LMO7: variants seen among roughly 807,000 people sequenced by gnomAD.
The protein encoded by LMO7 is LIM domain only protein 7.
Under a neutral mutation model 206.5 loss-of-function variants are expected in LMO7, and 120 were observed. The ratio of observed to expected loss-of-function variants is 0.58; its 90% CI spans 0.50 to 0.68. LMO7 has a LOEUF of 0.68. LMO7 is among the 30% of genes least tolerant of loss of function. The probability of loss-of-function intolerance (pLI) is 0.00; values close to 1 mark genes in which losing one functional copy is unlikely to be tolerated. For synonymous variants in LMO7, 706 were observed against 681.5 expected (o/e 1.04, Z -0.56); for missense variants, 1,959 against 1,957.9 (o/e 1.00, Z -0.01).
intron 4 of LMO7, among the ~76,000 whole-genome samples, chr13:75,762,301 G>T (rs1194615927): frequency 6.6e-6 from 1 of 151,936 alleles, no homozygotes; most frequent in Non-Finnish European, 1.5e-5. Context: ...AGTATGTAGG[G>T]GTCATGTTTA....
At chr13:75,765,705 G>A (rs908055160) in intron 4 of LMO7, among the ~76,000 whole-genome samples, 6 of 152,086 alleles carry the variant, frequency 3.9e-5, no homozygotes, top group Non-Finnish European at 8.8e-5. Context: ...CTAGCTGCAG[G>A]GAACGGTTGT....
At chr13:75,836,305 G>A (rs2059120550) in intron 18 of LMO7, 92 bp from the exon 19 acceptor site, 1 of 693,410 alleles carries the variant, frequency 1.4e-6, no homozygotes, top group Non-Finnish European at 2.5e-6. Flanking sequence ...AACTCATCTT[G>A]TTAAAATATA....
At chr13:75,792,681 G>A (rs186685887) in intron 4 of LMO7, among the ~76,000 whole-genome samples, 75 of 152,276 alleles carry the variant, frequency 4.9e-4, no homozygotes, top group Non-Finnish European at 8.5e-4. Flanking sequence ...CTTGGTTACC[G>A]ACTTCCATGC....
At chr13:75,838,302 G>A in intron 20 of LMO7, 106 bp downstream of exon 20, 1 of 1,550,776 alleles carries the variant, frequency 6.4e-7, no homozygotes, top group Non-Finnish European at 8.8e-7. Flanking sequence ...CAATTTGTCT[G>A]TCATTATGAC....
chr13:75,646,820 G>C (rs1055314871), intron 1 of LMO7, among the ~76,000 whole-genome samples: 2 of 152,046 alleles, frequency 1.3e-5, no homozygotes, highest in Non-Finnish European at 2.9e-5. Flanking sequence ...CTCGACCTCA[G>C]GTGATATGTG....
At position 75,833,151 on chromosome 13, in the gene LMO7, C is replaced by G. The variant is rs200991869; in HGVS notation, c.3050C>G (p.Ala1017Gly). The change falls in exon 16 of 31, where the codon GCA becomes GGA. Residue 1017 changes from alanine to glycine, a missense_variant. Coordinates refer to ENST00000377534, the MANE Select transcript of LMO7 (RefSeq NM_001306080.2). Reference sequence around the variant, plus strand: ...TGGGATATTCCTGGGATCTTCGTAGCATCAGTTGAAGCAGGTAAATTATGT... The same window carrying G: ...TGGGATATTCCTGGGATCTTCGTAGGATCAGTTGAAGCAGGTAAATTATGT... ...IKWDIPGIFV[A>G]SVEAGSPAEF... 3.4e-5 allele frequency: 53 copies of G among 1,581,754 alleles called. No individual in the cohort carries two copies. Among genetic ancestry groups the G allele is most frequent in the Non-Finnish European group, 4.2e-5 (48 of 1,150,808 alleles).
At chr13:75,785,647 T>C (rs1352382752) in intron 4 of LMO7, among the ~76,000 whole-genome samples, 1 of 152,152 alleles carries the variant, frequency 6.6e-6, no homozygotes, top group African/African-American at 2.4e-5. Context: ...ATAATTTCAA[T>C]TTGCTAGTAT....
At chr13:75,854,089 T>C (rs567213870) in intron 28 of LMO7, among the ~76,000 whole-genome samples, 1 of 152,164 alleles carries the variant, frequency 6.6e-6, no homozygotes, top group African/African-American at 2.4e-5. Flanking sequence ...CCTGCTTGGG[T>C]TTTTAGGTCT....
chr13:75,731,227 G>A (rs1327303815), intron 3 of LMO7, among the ~76,000 whole-genome samples: 1 of 152,028 alleles, frequency 6.6e-6, no homozygotes, highest in South Asian at 2.1e-4. Context: ...TTGACAGTGG[G>A]GTGTTAAAGT....
At chr13:75,724,694 AC>A (rs1297689093) in intron 2 of LMO7, among the ~76,000 whole-genome samples, 2 of 152,146 alleles carry the variant, frequency 1.3e-5, no homozygotes, top group African/African-American at 4.8e-5. Flanking sequence ...CCTTAGAAGA[AC>A]TATTCTAAAA....
In LMO7 at chr13:75,647,951, C is replaced by CTTTTTTTTTTTTTTTTTT. The variant is rs570513211; in HGVS notation, c.69+11226_69+11243dup. On this transcript the variant is annotated intron_variant, in intron 1 of 30. Coordinates refer to ENST00000377534, the MANE Select transcript of LMO7 (RefSeq NM_001306080.2). Reference sequence around the variant, plus strand: ...GATTTTCTCTTGTTTTCTTTTCTTTCTTTTTTTTTTTTTTTTTTGAGACAG... The same window carrying CTTTTTTTTTTTTTTTTTT: ...GATTTTCTCTTGTTTTCTTTTCTTTCTTTTTTTTTTTTTTTTTTTTTTTTTTTTTTTTTTTTGAGACAG... 1.2e-3 allele frequency among the ~76,000 whole-genome samples: 106 copies of CTTTTTTTTTTTTTTTTTT among 91,124 alleles called. 2 individuals carry two copies. Among genetic ancestry groups the CTTTTTTTTTTTTTTTTTT allele is most frequent in the Admixed American group, 2.0e-3 (13 of 6,422 alleles). 59.8% of individuals were successfully genotyped at this position (91,124 alleles called of 152,430 possible).
At chr13:75,814,286 C>T (rs893323620) in intron 11 of LMO7, among the ~76,000 whole-genome samples, 7 of 152,230 alleles carry the variant, frequency 4.6e-5, no homozygotes, top group South Asian at 2.1e-4. Context: ...TCATTCTTAC[C>T]GTAGACATTG....
intron 2 of LMO7, chr13:75,623,350 A>T: frequency 1.7e-6 from 2 of 1,199,090 alleles, no homozygotes; most frequent in Non-Finnish European, 2.5e-6. Context: ...TCTAAGGCAG[A>T]ATCAGAAAGG....
intron 1 of LMO7, among the ~76,000 whole-genome samples, chr13:75,646,336 A>G (rs1165061191): frequency 6.6e-6 from 1 of 152,202 alleles, no homozygotes; most frequent in Non-Finnish European, 1.5e-5. Flanking sequence ...CCTTGCTTCC[A>G]AAATAGCAGC....
chr13:75,836,047 T>C (rs1056803811), intron 18 of LMO7, among the ~76,000 whole-genome samples: 2 of 152,150 alleles, frequency 1.3e-5, no homozygotes, highest in Non-Finnish European at 2.9e-5. Context: ...TCTTACTATA[T>C]TGTATAAGAA....
intron 4 of LMO7, among the ~76,000 whole-genome samples, chr13:75,777,153 C>T (rs1347493823): frequency 6.6e-6 from 1 of 151,548 alleles, no homozygotes; most frequent in African/African-American, 2.4e-5. Flanking sequence ...AATGAGGACA[C>T]TGTTTTATTT....
intron 1 of LMO7, among the ~76,000 whole-genome samples, chr13:75,710,859 G>T (rs7991863): frequency 0.064 from 9,633 of 150,186 alleles, 681 homozygotes; most frequent in African/African-American, 0.17. Context: ...GTGAGAGAGG[G>T]CATCCCAGTC....
chr13:75,676,327 T>C (rs986462070), intron 1 of LMO7, among the ~76,000 whole-genome samples: 1 of 152,240 alleles, frequency 6.6e-6, no homozygotes, highest in Non-Finnish European at 1.5e-5. Flanking sequence ...CATTAATCTC[T>C]ATGATTGTTA....
intron 1 of LMO7, among the ~76,000 whole-genome samples, chr13:75,667,022 C>T (rs1252276873): frequency 6.6e-6 from 1 of 152,130 alleles, no homozygotes; most frequent in African/African-American, 2.4e-5. Flanking sequence ...TTTTTGATGT[C>T]TGAGGCCAGT....
Sources: gnomAD v4.1 joint callset for allele counts (sites outside exome capture counted in the v4.1 genomes callset) on GRCh38, gnomAD v4.1.1 for gene constraint, MANE v1.5 for transcripts, NCBI Gene and HGNC (gene_info 2026-07-23, HGNC 2026-07-21) for gene names.